The following ZNF479 variants were observed in gnomAD, a reference collection of about 807,000 sequenced individuals.
The protein encoded by ZNF479 is KRAB zinc finger protein KR19.
Under a neutral mutation model 14.7 loss-of-function variants are expected in ZNF479, and 15 were observed. The observed-to-expected ratio is 1.02, with a 90% CI of 0.68 to 1.57. ZNF479 has a LOEUF of 1.57. Ranked by LOEUF, ZNF479 falls within the 40% of genes most tolerant of loss-of-function variation. The probability of loss-of-function intolerance (pLI) is 0.00; values close to 1 mark genes in which losing one functional copy is unlikely to be tolerated. For missense variants in ZNF479, 506 were observed against 615.1 expected (o/e 0.82, Z 1.88); for synonymous variants, 145 against 211.5 (o/e 0.69, Z 2.73).
At chr7:57,134,419 A>C (rs1786554630), upstream of ZNF479, among the ~76,000 whole-genome samples, 1 of 152,166 alleles carries the variant, frequency 6.6e-6, no homozygotes, top group African/African-American at 2.4e-5. Flanking sequence ...TCAGAGAGTT[A>C]CCTTACATGG....
At chr7:57,137,746 C>T (rs556643486) in intron 1 of ZNF479, among the ~76,000 whole-genome samples, 6 of 152,302 alleles carry the variant, frequency 3.9e-5, no homozygotes, top group African/African-American at 1.2e-4. Flanking sequence ...GGTTGAGCAC[C>T]TAGATAATGT....
At chr7:57,124,702 CAT>C (rs993578667) in intron 3 of ZNF479, among the ~76,000 whole-genome samples, 7 of 152,316 alleles carry the variant, frequency 4.6e-5, no homozygotes, top group South Asian at 2.1e-4. Context: ...TTGAAAATCA[CAT>C]GTGATAAGAC....
chr7:57,137,652 T>C (rs1201768796), intron 1 of ZNF479, among the ~76,000 whole-genome samples: 1 of 152,262 alleles, frequency 6.6e-6, no homozygotes, highest in South Asian at 2.1e-4. Context: ...GGTGTGATTG[T>C]GTCATATAGT....
intron 1 of ZNF479, among the ~76,000 whole-genome samples, chr7:57,128,950 C>T (rs577202967): frequency 1.3e-5 from 2 of 152,106 alleles, no homozygotes; most frequent in South Asian, 4.1e-4. Context: ...TGAGAATATG[C>T]CTTTAAAGCA....
chr7:57,137,288 A>G (rs1338547551), upstream of ZNF479, among the ~76,000 whole-genome samples: 1 of 151,850 alleles, frequency 6.6e-6, no homozygotes, highest in Non-Finnish European at 1.5e-5. Flanking sequence ...GGCATCCACC[A>G]CTACACCTGG....
intron 1 of ZNF479, among the ~76,000 whole-genome samples, chr7:57,130,781 C>T (rs1786379820): frequency 6.6e-6 from 1 of 152,174 alleles, no homozygotes; most frequent in South Asian, 2.1e-4. Context: ...GTAAGTTTTT[C>T]TACCATGAAG....
chr7:57,131,958 C>A (rs1035959231), intron 1 of ZNF479, among the ~76,000 whole-genome samples: 1 of 152,152 alleles, frequency 6.6e-6, no homozygotes, highest in African/African-American at 2.4e-5. Flanking sequence ...GAATCTTGCA[C>A]CCTGAGTCAG....
chr7:57,128,640 A>G (rs1029778197), intron 1 of ZNF479, among the ~76,000 whole-genome samples: 8 of 152,358 alleles, frequency 5.3e-5, no homozygotes, highest in African/African-American at 1.7e-4. Flanking sequence ...CAAGAATCCA[A>G]GATGAAGAGA....
intron 1 of ZNF479, among the ~76,000 whole-genome samples, chr7:57,139,001 G>C (rs1338096724): frequency 6.6e-6 from 1 of 152,164 alleles, no homozygotes; most frequent in East Asian, 1.9e-4. Context: ...CTTGGGCTTA[G>C]GGCAATGGGC....
At chr7:57,125,720 C>G (rs1477994045) in intron 3 of ZNF479, among the ~76,000 whole-genome samples, 2 of 151,802 alleles carry the variant, frequency 1.3e-5, no homozygotes, top group Non-Finnish European at 2.9e-5. Flanking sequence ...TTAGTGTGTC[C>G]CCAAAAGCAA....
At chr7:57,137,317 G>C (rs1786694544), upstream of ZNF479, among the ~76,000 whole-genome samples, 1 of 151,876 alleles carries the variant, frequency 6.6e-6, no homozygotes, top group East Asian at 1.9e-4. Flanking sequence ...TGTATTTTTT[G>C]TATTTTTACT....
chr7:57,135,081 C>G (rs570790432), upstream of ZNF479, among the ~76,000 whole-genome samples: 2 of 152,080 alleles, frequency 1.3e-5, no homozygotes, highest in Non-Finnish European at 2.9e-5. Context: ...AAGGATGATA[C>G]CAAGGAAACC....
At chr7:57,134,543 C>A (rs1786560452), upstream of ZNF479, among the ~76,000 whole-genome samples, 2 of 152,138 alleles carry the variant, frequency 1.3e-5, no homozygotes, top group Admixed American at 1.3e-4. Flanking sequence ...GTTAAATATC[C>A]TTAGTTGAGT....
At chr7:57,127,979 A>G (rs1786251351) in intron 1 of ZNF479, among the ~76,000 whole-genome samples, 1 of 149,608 alleles carries the variant, frequency 6.7e-6, no homozygotes, top group Non-Finnish European at 1.5e-5. Context: ...TGTGTCACCC[A>G]GGCTGGAGTG....
upstream of ZNF479, among the ~76,000 whole-genome samples, chr7:57,135,750 T>C (rs986117587): frequency 6.6e-6 from 1 of 152,170 alleles, no homozygotes; most frequent in Middle Eastern, 3.2e-3. Context: ...TTTTTGCTAG[T>C]GGCTGTGACT....
At chr7:57,138,332 TGAGTGATAAAAA>T (rs1786737583) in intron 1 of ZNF479, among the ~76,000 whole-genome samples, 1 of 152,194 alleles carries the variant, frequency 6.6e-6, no homozygotes, top group Admixed American at 6.5e-5. Flanking sequence ...ATAAAGTCTT[TGAGTGATAAAAA>T]GAGTGTTAAA....
Position 57,120,738 on chromosome 7 carries a change from G to C in ZNF479, c.677C>G (p.Ser226Ter). ...KECGKSFNCS[S>*]NHTTHKIIHT... ...AATTATTTTATGTGTAGTATGGTTT[G>C]AGGAGCAGTTAAAGGATTTGCCACA... The change falls in exon 4 of 4, where the codon TCA (serine) becomes TGA (stop). Residue 226 changes from serine (S) to a stop codon, truncating the protein, a stop_gained. Coordinates refer to ENST00000319636, the MANE Select transcript of ZNF479 (RefSeq NM_001370129.2). LOFTEE classifies it low-confidence loss of function (END_TRUNC). The C allele has an allele frequency of 6.2e-7, 1 of 1,612,606 alleles. No individual in the cohort carries two copies. The highest frequency in any genetic ancestry group is 8.5e-7 in the Non-Finnish European group (1 of 1,179,366).
chr7:57,130,921 A>G (rs939174405), intron 1 of ZNF479, among the ~76,000 whole-genome samples: 2 of 152,242 alleles, frequency 1.3e-5, no homozygotes, highest in African/African-American at 2.4e-5. Flanking sequence ...ATGATGCACT[A>G]TAAGAAAGAA....
In ZNF479 at chr7:57,118,893, T is replaced by G. The variant is rs546753173; in HGVS notation, c.*947A>C. 1.6e-3 allele frequency among the ~76,000 whole-genome samples: 249 copies of G among 152,316 alleles called. No homozygotes were observed. The highest frequency in any genetic ancestry group is 2.2e-3 in the Non-Finnish European group (147 of 68,026). On this transcript the variant is annotated 3_prime_UTR_variant, in exon 4 of 4. Transcript: ENST00000319636. ...CATAACGTGTGACTACCATTTAAAG[T>G]CCTTGCCACATTTAACACATTTCTA...
Sources: allele counts gnomAD v4.1 joint callset (sites outside exome capture counted in the v4.1 genomes callset), GRCh38; gene constraint gnomAD v4.1.1; transcripts MANE v1.5; gene names NCBI Gene and HGNC (gene_info 2026-07-23, HGNC 2026-07-21).